MELK: variants seen among roughly 807,000 people sequenced by gnomAD.
The protein encoded by MELK is pEg3 kinase.
In MELK, 81 loss-of-function variants were observed where a neutral mutation model predicts 85.0. The ratio of observed to expected loss-of-function variants is 0.95; its 90% CI spans 0.80 to 1.15. MELK has a LOEUF of 1.15. Among genes scored for constraint, MELK ranks in the 50% most tolerant of loss-of-function variants. The pLI is 0.00. For missense variants in MELK, 754 were observed against 777.5 expected (o/e 0.97, Z 0.36); for synonymous variants, 252 against 265.0 (o/e 0.95, Z 0.48).
At chr9:36,618,908 T>C (rs1827118553) in intron 8 of MELK, among the ~76,000 whole-genome samples, 2 of 152,000 alleles carry the variant, frequency 1.3e-5, no homozygotes, top group South Asian at 4.1e-4. Context: ...AAAATTAATA[T>C]AAATCTTTGA....
At chr9:36,641,099 G>A (rs1215571354) in intron 10 of MELK, among the ~76,000 whole-genome samples, 1 of 152,178 alleles carries the variant, frequency 6.6e-6, no homozygotes, top group Non-Finnish European at 1.5e-5. Flanking sequence ...AATAGTAAGG[G>A]GAGTTAATCA....
chr9:36,675,590 A>G (rs1833274984), intron 17 of MELK, among the ~76,000 whole-genome samples: 1 of 152,214 alleles, frequency 6.6e-6, no homozygotes, highest in Admixed American at 6.5e-5. Context: ...TCAGGGATTT[A>G]TACAGAATCC....
At chr9:36,580,803 A>G (rs1161096713) in intron 1 of MELK, among the ~76,000 whole-genome samples, 4 of 148,818 alleles carry the variant, frequency 2.7e-5, no homozygotes, top group Non-Finnish European at 5.9e-5. Context: ...ATGTCGGCTC[A>G]CTGCAACCTC....
In MELK at chr9:36,597,301, A is replaced by C; in HGVS notation, c.474+11A>C. On this transcript the variant is annotated intron_variant, in intron 6 of 17. Transcript: ENST00000298048. ...TGTGCAAAACCCAAGGTAAGTGCAG[A>C]AATAAGATGCATCTATGTTCTTTGT... is the stretch of plus-strand genomic sequence containing the variant. The C allele has an allele frequency of 6.2e-7, 1 of 1,603,336 alleles. No individual in the cohort carries two copies. Among genetic ancestry groups the C allele is most frequent in the Non-Finnish European group, 8.5e-7 (1 of 1,170,510 alleles).
At chr9:36,629,044 T>C (rs1225533274) in intron 8 of MELK, among the ~76,000 whole-genome samples, 1 of 151,794 alleles carries the variant, frequency 6.6e-6, no homozygotes. Context: ...TTTTTGTATT[T>C]TTAGTAGAAA....
chr9:36,624,083 CTTTTTT>C (rs774510229), intron 8 of MELK, among the ~76,000 whole-genome samples: 1 of 132,952 alleles, frequency 7.5e-6, no homozygotes, highest in Non-Finnish European at 1.6e-5. Context: ...TATTATACTT[CTTTTTT>C]TTTTTTTTTT....
intron 6 of MELK, among the ~76,000 whole-genome samples, chr9:36,599,191 C>A (rs987830129): frequency 2.6e-5 from 4 of 151,226 alleles, no homozygotes; most frequent in Admixed American, 6.6e-5. Flanking sequence ...ATCCCAGCTA[C>A]TCTGGAGGCT....
chr9:36,670,746 A>G (rs1257281835), intron 15 of MELK, among the ~76,000 whole-genome samples: 2 of 151,008 alleles, frequency 1.3e-5, no homozygotes, highest in Non-Finnish European at 3.0e-5. Flanking sequence ...TGAAAAAAGG[A>G]TATATATATC....
At chr9:36,621,275 G>GAAAAAAAAAAAAAAAAAAAAAAAAA (rs74181196) in intron 8 of MELK, among the ~76,000 whole-genome samples, 3 of 32,448 alleles carry the variant, frequency 9.2e-5, no homozygotes, top group Non-Finnish European at 2.7e-4. Context: ...CTGTCTCAGG[G>GAAAAAAAAAAAAAAAAAAAAAAAAA]AAAAAAAAAA....
Position 36,617,782 on chromosome 9 carries a change from A to T in MELK, c.666+10109A>T, listed in dbSNP as rs547876220. 1.1e-4 allele frequency among the ~76,000 whole-genome samples: 17 copies of T among 149,388 alleles called. No homozygotes were observed. In the East Asian group the frequency reaches 2.9e-3, roughly 25 times the overall value. On this transcript the variant is annotated intron_variant, in intron 8 of 17. Coordinates refer to ENST00000298048, the MANE Select transcript of MELK (RefSeq NM_014791.4). ...ATGTTTTCTTGACTTTAAACATCATAAAAAAAACTGTAGAGATTTGCTTTC... is the reference window on the plus strand; with the variant it reads ...ATGTTTTCTTGACTTTAAACATCATTAAAAAAACTGTAGAGATTTGCTTTC...
chr9:36,624,516 C>T (rs1197923991), intron 8 of MELK, among the ~76,000 whole-genome samples: 1 of 152,182 alleles, frequency 6.6e-6, no homozygotes, highest in South Asian at 2.1e-4. Context: ...CACCACACTT[C>T]TCATTCACTT....
At chr9:36,585,314 T>G (rs1303497946) in intron 3 of MELK, among the ~76,000 whole-genome samples, 2 of 142,510 alleles carry the variant, frequency 1.4e-5, no homozygotes, top group South Asian at 2.3e-4. Context: ...TTTTTTTTTT[T>G]TTTTTTTTTT....
In MELK at chr9:36,633,113, G is replaced by T. The variant is rs1420590272; in HGVS notation, c.747G>T (p.Lys249Asn). ...LLQQMLQVDP[K>N]KRISMKNLLN... is the part of the protein sequence containing the mutation. ...TTAATGGCCACTAGGTGGACCCAAA[G>T]AAACGGATTTCTATGAAAAATCTAT... is the stretch of plus-strand genomic sequence containing the variant. The change falls in exon 10 of 18, where the codon AAG becomes AAT. Residue 249 changes from lysine to asparagine, a missense_variant. Transcript: ENST00000298048. 1.2e-6 allele frequency: 2 copies of T among 1,609,288 alleles called. No individual in the cohort carries two copies. The highest frequency in any genetic ancestry group is 1.7e-6 in the Non-Finnish European group (2 of 1,178,768).
chr9:36,671,254 A>G (rs1587635892), intron 16 of MELK, 88 bp downstream of exon 16: 1 of 1,311,196 alleles, frequency 7.6e-7, no homozygotes. Context: ...TGAATTGATT[A>G]GTGTTTTTTA....
chr9:36,594,709 C>T lies in MELK; in HGVS notation c.343C>T (p.Gln115Ter). ...SEEETRVVFR[Q>*]IVSAVAYVHS... Reference sequence around the variant, plus strand: ...AGAGGAGACCCGGGTTGTCTTCCGTCAGATAGTATCTGCTGTTGCTTATGT... The same window carrying T: ...AGAGGAGACCCGGGTTGTCTTCCGTTAGATAGTATCTGCTGTTGCTTATGT... Residue 115 changes from glutamine (Q) to a stop codon, truncating the protein, a stop_gained, in exon 5 of 18, where the codon CAG becomes TAG. Coordinates refer to ENST00000298048, the MANE Select transcript of MELK (RefSeq NM_014791.4). LOFTEE classifies it high-confidence loss of function. The T allele has an allele frequency of 6.2e-7, 1 of 1,614,074 alleles. No individual in the cohort carries two copies. The highest frequency in any genetic ancestry group is 1.7e-5 in the Admixed American group (1 of 59,992).
chr9:36,579,671 G>T (rs533328362), intron 1 of MELK, among the ~76,000 whole-genome samples: 20 of 152,326 alleles, frequency 1.3e-4, no homozygotes, highest in Non-Finnish European at 5.9e-5. Context: ...TGCATTAGCA[G>T]TTTTTCCAGA....
At chr9:36,648,714 A>T (rs1050498229) in intron 11 of MELK, among the ~76,000 whole-genome samples, 6 of 152,342 alleles carry the variant, frequency 3.9e-5, no homozygotes, top group Middle Eastern at 3.4e-3. Flanking sequence ...AAAAGCTAAG[A>T]TAAATATCCT....
chr9:36,609,744 G>T (rs1825911788), intron 8 of MELK, among the ~76,000 whole-genome samples: 1 of 152,154 alleles, frequency 6.6e-6, no homozygotes, highest in Non-Finnish European at 1.5e-5. Flanking sequence ...GAGCTACTGT[G>T]CCTGGCCTTC....
At position 36,596,569 on chromosome 9, in the gene MELK, TTTGTTTTTTTTGTTTTTTTTG is replaced by T. The variant is rs1217132869; in HGVS notation, c.406-650_406-630del. On this transcript the variant is annotated intron_variant, in intron 5 of 17. Transcript: ENST00000298048. ...ACTGCGCCCGGCCCTTTTTGTTTTTTTTGTTTTTTTTGTTTTTTTTGTTTTTTTTTTTTTGAGATGGAGTTT... is the reference window on the plus strand; with the variant it reads ...ACTGCGCCCGGCCCTTTTTGTTTTTTTTTTTTTTTTTTTGAGATGGAGTTT... Among the ~76,000 whole-genome samples the T allele has an allele frequency of 2.0e-4, 20 of 100,782 alleles. 1 individual carries two copies. The highest frequency in any genetic ancestry group is 1.5e-3 in the African/African-American group (20 of 13,460). The allele number at this position is 100,782 out of a possible 152,430, so 66.1% of individuals were successfully genotyped here.
Sources: allele counts gnomAD v4.1 joint callset (sites outside exome capture counted in the v4.1 genomes callset), GRCh38; gene constraint gnomAD v4.1.1; transcripts MANE v1.5; gene names NCBI Gene and HGNC (gene_info 2026-07-23, HGNC 2026-07-21).